Variants in NOTCH1 observed in about 807,000 individuals in gnomAD.
NOTCH1 encodes the protein notch receptor 1.
NOTCH1 carries 37 observed loss-of-function variants against 254.8 expected under a neutral mutation model. The observed-to-expected ratio is 0.15, with a 90% CI of 0.11 to 0.19. NOTCH1 has a LOEUF of 0.19. Among genes scored for constraint, NOTCH1 ranks in the 10% least tolerant of loss-of-function variants. NOTCH1 has a pLI of 1.00. For synonymous variants in NOTCH1, 1,731 were observed against 1,618.1 expected (o/e 1.07, Z -1.68); for missense variants, 2,972 against 3,708.6 (o/e 0.80, Z 5.16).
At chr9:136,512,087 G>A (rs1332047432) in intron 15 of NOTCH1, among the ~76,000 whole-genome samples, 3 of 152,240 alleles carry the variant, frequency 2.0e-5, no homozygotes, top group African/African-American at 7.2e-5. Flanking sequence ...ACAATTGTGC[G>A]AAAGGAAGCA....
rs1564568199 is a variant in NOTCH1 at position 136,496,883 on chromosome 9, G to A, written c.6856C>T (p.Leu2286=). The part of the protein sequence containing the change: ...LPVASGTSTV[L]GSSSGGALNF... ...AGGGCCCCTCCGCTGCTGGAGCCCA[G>A]GACGGTGCTGGTGCCAGAGGCCACA... The change falls in exon 34 of 34, where the codon CTG becomes TTG. Residue 2286 remains leucine, a synonymous_variant. Coordinates refer to ENST00000651671, the MANE Select transcript of NOTCH1 (RefSeq NM_017617.5). 6.2e-7 allele frequency: 1 copy of A among 1,612,900 alleles called. No homozygotes were observed. Among genetic ancestry groups the A allele is most frequent in the South Asian group, 1.1e-5 (1 of 91,090 alleles).
intron 9 of NOTCH1, among the ~76,000 whole-genome samples, 187 bp from the exon 10 acceptor site, chr9:136,516,281 G>A (rs1843271548): frequency 6.6e-6 from 1 of 152,182 alleles, no homozygotes; most frequent in Non-Finnish European, 1.5e-5. Flanking sequence ...CCCTCCCCCA[G>A]CACCACACGC....
In NOTCH1 at chr9:136,495,421, C is replaced by G. The variant is rs1799109968; in HGVS notation, c.*650G>C. 1 of 398,826 alleles carries G rather than the reference C, an allele frequency of 2.5e-6. No homozygotes were observed. Among genetic ancestry groups the G allele is most frequent in the Admixed American group, 4.4e-5 (1 of 22,726 alleles). The allele number at this position is 398,826 out of a possible 1,614,324, so 24.7% of individuals were successfully genotyped here. A position where few individuals can be genotyped will look rare whatever the true frequency, so the allele number is the denominator to read the frequency against. ...GAACACATTTTCACAAGCATGCTTG[C>G]AAGAAACCATCTAAAACACATGGCA... On this transcript the variant is annotated 3_prime_UTR_variant, in exon 34 of 34. Coordinates refer to ENST00000651671, the MANE Select transcript of NOTCH1 (RefSeq NM_017617.5).
In NOTCH1 at chr9:136,497,634, AG is replaced by A; in HGVS notation, c.6181-77del. ...ACCCTCCCCAAGGTTCCATCACCAG[AG>A]GAAGCAGCAGTACAACCTCCTCCGC... On this transcript the variant is annotated intron_variant, in intron 33 of 33. Transcript: ENST00000651671. 3 of 1,321,384 alleles carry A rather than the reference AG, an allele frequency of 2.3e-6. No homozygotes were observed. In the South Asian group the frequency reaches 4.2e-5, roughly 19 times the overall value. The allele number at this position is 1,321,384 out of a possible 1,614,324, so 81.9% of individuals were successfully genotyped here.
intron 26 of NOTCH1, among the ~76,000 whole-genome samples, chr9:136,503,792 C>T (rs1034560614): frequency 2.6e-5 from 4 of 152,202 alleles, no homozygotes; most frequent in African/African-American, 9.7e-5. Context: ...TTCCCGTGAG[C>T]AGGATCCCAT....
chr9:136,544,565 A>AG (rs566793843), intron 1 of NOTCH1, among the ~76,000 whole-genome samples: 1 of 150,644 alleles, frequency 6.6e-6, no homozygotes, highest in African/African-American at 2.4e-5. Flanking sequence ...GGACGGGGGG[A>AG]GGGGGGGTGG....
Position 136,514,560 on chromosome 9 carries a change from C to T in NOTCH1, c.2157G>A (p.Glu719=), listed in dbSNP as rs1376269983. The stretch of plus-strand genomic sequence containing the variant: ...CGTGGACGCAGGGGTTGCTGTTGCA[C>T]TCATTGACCTCAGACAGGCAGGTGG... ...HDPTCLSEVN[E]CNSNPCVHGA... Residue 719 remains glutamate, a synonymous_variant, in exon 13 of 34, where the codon GAG becomes GAA. Transcript: ENST00000651671. 2 of 1,606,580 alleles carry T rather than the reference C, an allele frequency of 1.2e-6. No individual in the cohort carries two copies. Among genetic ancestry groups the T allele is most frequent in the South Asian group, 1.1e-5 (1 of 89,722 alleles).
In NOTCH1 at chr9:136,496,167, G is replaced by A; in HGVS notation, c.7572C>T (p.Ser2524=). Residue 2524 remains serine (S), a synonymous_variant, in exon 34 of 34, where the codon TCC becomes TCT. Transcript: ENST00000651671. Reference sequence around the variant, plus strand: ...ACCAGTCGGAGACGTTGGAATGCGGGGACGAGCTGGACCACTGGTCAGGGG... The same window carrying A: ...ACCAGTCGGAGACGTTGGAATGCGGAGACGAGCTGGACCACTGGTCAGGGG... The part of the protein sequence containing the change: ...PESPDQWSSS[S]PHSNVSDWSE... The A allele has an allele frequency of 1.2e-6, 2 of 1,610,328 alleles. No individual in the cohort carries two copies. The highest frequency in any genetic ancestry group is 1.7e-6 in the Non-Finnish European group (2 of 1,179,480).
intron 4 of NOTCH1, among the ~76,000 whole-genome samples, chr9:136,522,311 TA>T (rs1843383165): frequency 6.6e-6 from 1 of 152,198 alleles, no homozygotes; most frequent in South Asian, 2.1e-4. Context: ...TCCTTATTTT[TA>T]GAGCTGCTGC....
intron 2 of NOTCH1, among the ~76,000 whole-genome samples, chr9:136,531,930 C>A (rs1194911113): frequency 6.6e-6 from 1 of 152,248 alleles, no homozygotes; most frequent in African/African-American, 2.4e-5. Flanking sequence ...GGCCTCCGAG[C>A]CCAGGAATCC....
At chr9:136,505,254 C>T (rs1589058568) in intron 25 of NOTCH1, 56 bp downstream of exon 25, 2 of 1,539,548 alleles carry the variant, frequency 1.3e-6, no homozygotes, top group Non-Finnish European at 1.8e-6. Context: ...CGGGCCCAAG[C>T]CAGGCCACAT....
Position 136,510,898 on chromosome 9 carries a change from G to A in NOTCH1, c.2588-93C>T, listed in dbSNP as rs117063264. ...CCCACCCACCTACAGTGCCTCTCCCGACCCAGGAGTAGGCTTCCGTGACCC... is the reference window on the plus strand; with the variant it reads ...CCCACCCACCTACAGTGCCTCTCCCAACCCAGGAGTAGGCTTCCGTGACCC... On this transcript the variant is annotated intron_variant, in intron 16 of 33. Transcript: ENST00000651671. 25,916 of 1,552,098 alleles carry A rather than the reference G, an allele frequency of 0.017. 312 individuals are homozygous for A. Among genetic ancestry groups the A allele is most frequent in the Middle Eastern group, 0.059 (294 of 4,970 alleles).
chr9:136,505,145 G>A (rs1843060171), intron 25 of NOTCH1, 41 bp from the exon 26 acceptor site: 2 of 1,585,532 alleles, frequency 1.3e-6, no homozygotes, highest in African/African-American at 1.3e-5. Context: ...TTCCTCGGGG[G>A]GCCTCGCACC....
chr9:136,512,807 A>G (rs1843201484), intron 15 of NOTCH1, among the ~76,000 whole-genome samples: 1 of 151,858 alleles, frequency 6.6e-6, no homozygotes, highest in African/African-American at 2.4e-5. Context: ...AGGCCCACAT[A>G]CTGCAGGGGC....
Position 136,508,321 on chromosome 9 carries a change from G to C in NOTCH1, c.3236C>G (p.Thr1079Ser), listed in dbSNP as rs1010573276. The C allele has an allele frequency of 6.2e-7, 1 of 1,613,052 alleles. No individual in the cohort carries two copies. Among genetic ancestry groups the C allele is most frequent in the South Asian group, 1.1e-5 (1 of 91,090 alleles). ...KNGGKCWQTHTQYRCECPSGW... is the reference protein window; with the variant it reads ...KNGGKCWQTHSQYRCECPSGW... The stretch of plus-strand genomic sequence containing the variant: ...GCTGGGGCACTCGCAGCGGTACTGG[G>C]TGTGGGTCTGCCAGCATTTGCCGCC... The change falls in exon 20 of 34, where the codon ACC (threonine) becomes AGC (serine). Residue 1079 changes from threonine to serine, a missense_variant. Thr to Ser is a moderately conservative substitution (Grantham distance 58). Transcript: ENST00000651671.
chr9:136,505,212 T>C, intron 25 of NOTCH1, 98 bp downstream of exon 25: 1 of 1,520,828 alleles, frequency 6.6e-7, no homozygotes, highest in Non-Finnish European at 8.9e-7. Context: ...CTGCACCCCC[T>C]GAGCAGAGCC....
rs61751552 is a variant in NOTCH1 at position 136,513,055 on chromosome 9, G to C, written c.2433C>G (p.Ala811=). ...LNQGTCIDDV[A]GYKCNCLLPY... ...GCAGCAGGCAGTTGCACTTGTACCCGGCAACGTCGTCAATACACGTGCCCT... is the reference window on the plus strand; with the variant it reads ...GCAGCAGGCAGTTGCACTTGTACCCCGCAACGTCGTCAATACACGTGCCCT... The change falls in exon 15 of 34, where the codon GCC becomes GCG. Residue 811 remains alanine (A), a synonymous_variant. Coordinates refer to ENST00000651671, the MANE Select transcript of NOTCH1 (RefSeq NM_017617.5). The surrounding 1 kb of genome is among the most constrained non-coding windows in gnomAD (Gnocchi z 4.7). 2 of 1,357,882 alleles carry C rather than the reference G, an allele frequency of 1.5e-6. No individual in the cohort carries two copies. The highest frequency in any genetic ancestry group is 4.5e-5 in the East Asian group (1 of 22,166). 84.1% of individuals were successfully genotyped at this position (1,357,882 alleles called of 1,614,324 possible).
At chr9:136,542,017 T>C (rs913129552) in intron 2 of NOTCH1, among the ~76,000 whole-genome samples, 2 of 152,256 alleles carry the variant, frequency 1.3e-5, no homozygotes, top group African/African-American at 4.8e-5. Flanking sequence ...TGCCTTGGGC[T>C]GGAAACAGCT....
At chr9:136,519,336 C>G in intron 5 of NOTCH1, 107 bp downstream of exon 5, 2 of 1,518,040 alleles carry the variant, frequency 1.3e-6, no homozygotes, top group Non-Finnish European at 9.0e-7. Flanking sequence ...TCTGCCTGGC[C>G]TGGGACAGGG....
Sources: gnomAD v4.1 joint callset for allele counts (sites outside exome capture counted in the v4.1 genomes callset) on GRCh38, gnomAD v4.1.1 for gene constraint, Gnocchi (gnomAD v3.1) non-coding constraint, MANE v1.5 for transcripts, NCBI Gene and HGNC (gene_info 2026-07-23, HGNC 2026-07-21) for gene names.